The following XPR1 variants were observed in gnomAD, a reference collection of about 807,000 sequenced individuals.
The protein encoded by XPR1 is solute carrier family 53 member 1.
Under a neutral mutation model 87.5 loss-of-function variants are expected in XPR1, and 28 were observed. The ratio of observed to expected loss-of-function variants is 0.32; its 90% CI spans 0.24 to 0.44. XPR1 has a LOEUF of 0.44. XPR1 is among the 20% of genes least tolerant of loss of function. The probability of loss-of-function intolerance (pLI) is 1.00; values close to 1 mark genes in which losing one functional copy is unlikely to be tolerated. For synonymous variants in XPR1, 300 were observed against 306.1 expected, an observed-to-expected ratio of 0.98 and a Z score of 0.21; for missense variants, 559 against 862.3, an observed-to-expected ratio of 0.65 and a Z score of 4.41.
intron 13 of XPR1, chr1:180,878,102 C>T (rs1401546262): frequency 6.6e-6 from 1 of 152,388 alleles, no homozygotes; most frequent in Non-Finnish European, 1.5e-5. Context: ...CGGCCTGGCA[C>T]CTGAACTCCC....
intron 2 of XPR1, chr1:180,758,909 A>G (rs1027586794): frequency 1.3e-5 from 2 of 152,360 alleles, no homozygotes; most frequent in Non-Finnish European, 2.9e-5. Flanking sequence ...AAATTATAAC[A>G]AACTGTCTCT....
intron 2 of XPR1, among the ~76,000 whole-genome samples, chr1:180,713,863 G>A (rs997325842): frequency 6.6e-6 from 1 of 151,888 alleles, no homozygotes; most frequent in African/African-American, 2.4e-5. Context: ...TTGGTATCAG[G>A]GTAATGTTTA....
intron 7 of XPR1, among the ~76,000 whole-genome samples, chr1:180,821,674 A>G (rs960514098): frequency 6.6e-6 from 1 of 152,348 alleles, no homozygotes; most frequent in African/African-American, 2.4e-5. Flanking sequence ...CTTTAAATCC[A>G]TGAACACAGG....
At chr1:180,827,106 A>T (rs373015133) in intron 9 of XPR1, among the ~76,000 whole-genome samples, 2 of 139,508 alleles carry the variant, frequency 1.4e-5, no homozygotes, top group African/African-American at 2.7e-5. Context: ...GTGAGCCAAG[A>T]TGGTGCTGCT....
intron 1 of XPR1, among the ~76,000 whole-genome samples, chr1:180,649,514 A>T (rs1314592185): frequency 6.6e-6 from 1 of 152,222 alleles, no homozygotes. Flanking sequence ...CTCTTGAATG[A>T]TATATGCAAA....
intron 2 of XPR1, among the ~76,000 whole-genome samples, chr1:180,746,942 A>G (rs1033915010): frequency 4.6e-5 from 7 of 152,242 alleles, no homozygotes; most frequent in South Asian, 4.1e-4. Context: ...TTTAAAATAT[A>G]TTTATTTTGT....
intron 1 of XPR1, among the ~76,000 whole-genome samples, chr1:180,636,984 G>A (rs903973774): frequency 6.7e-5 from 10 of 150,060 alleles, no homozygotes; most frequent in African/African-American, 2.0e-4. Flanking sequence ...CCGGGGAGGC[G>A]GAGGTTGCAG....
rs369264254 is a variant in XPR1 at position 180,822,498 on chromosome 1, G to A, written c.764-2255G>A. On this transcript the variant is annotated intron_variant, in intron 7 of 14. Coordinates refer to ENST00000367590, the MANE Select transcript of XPR1 (RefSeq NM_004736.4). ...CTTCAAACCCCTTATCTGACTTTAT[G>A]CAGAACAGAAATTTCCTGAAGATAG... Among the ~76,000 whole-genome samples, 20 of 152,220 alleles carry A rather than the reference G, an allele frequency of 1.3e-4. 1 individual carries two copies. The South Asian group carries it at 4.1e-3, about 32-fold the overall frequency.
At chr1:180,676,813 T>A (rs1370792991) in intron 1 of XPR1, among the ~76,000 whole-genome samples, 1 of 152,230 alleles carries the variant, frequency 6.6e-6, no homozygotes, top group African/African-American at 2.4e-5. Flanking sequence ...GTTTGTATGT[T>A]GAATTAATAA....
At chr1:180,721,147 G>A (rs1004832861) in intron 2 of XPR1, among the ~76,000 whole-genome samples, 15 of 151,718 alleles carry the variant, frequency 9.9e-5, no homozygotes, top group Middle Eastern at 3.4e-3. Context: ...CTTGAACCCC[G>A]GAGGCAGAGA....
At chr1:180,778,236 G>A (rs1232674671) in intron 2 of XPR1, among the ~76,000 whole-genome samples, 5 of 151,820 alleles carry the variant, frequency 3.3e-5, no homozygotes, top group Non-Finnish European at 5.9e-5. Flanking sequence ...CTCCCACCTC[G>A]GCCTCCCAAA....
intron 11 of XPR1, among the ~76,000 whole-genome samples, chr1:180,858,072 C>T (rs6675123): frequency 0.013 from 2,021 of 152,108 alleles, 37 homozygotes; most frequent in African/African-American, 0.045. Flanking sequence ...CAAAATTAGC[C>T]GGGCGTGGTG....
chr1:180,882,947 T>C (rs1652889325), intron 14 of XPR1, among the ~76,000 whole-genome samples: 2 of 151,414 alleles, frequency 1.3e-5, no homozygotes, highest in Admixed American at 6.6e-5. Flanking sequence ...CAATTTCTTA[T>C]ATTTGTTTTT....
chr1:180,737,706 A>G (rs185808912), intron 2 of XPR1, among the ~76,000 whole-genome samples: 2 of 152,364 alleles, frequency 1.3e-5, no homozygotes, highest in African/African-American at 4.8e-5. Context: ...AGAATAATAC[A>G]GTATGTAATG....
In XPR1 at chr1:180,709,519, A is replaced by G. The variant is rs544563936; in HGVS notation, c.121+27108A>G. On this transcript the variant is annotated intron_variant, in intron 2 of 14. Transcript: ENST00000367590. ...TTTCTTTCACTGTTGATCAGTTTAC[A>G]TTTTCTAAAGTTTTATATGTATTTA... Among the ~76,000 whole-genome samples the G allele has an allele frequency of 4.7e-4, 72 of 152,154 alleles. 1 individual carries two copies. In the Middle Eastern group the frequency reaches 0.01, roughly 22 times the overall value.
intron 2 of XPR1, among the ~76,000 whole-genome samples, chr1:180,724,421 T>C (rs1281277392): frequency 6.6e-6 from 1 of 152,196 alleles, no homozygotes; most frequent in South Asian, 2.1e-4. Context: ...TGAATTATAT[T>C]TGTCTTCATA....
At chr1:180,757,908 C>A (rs1255296085) in intron 2 of XPR1, among the ~76,000 whole-genome samples, 3 of 140,730 alleles carry the variant, frequency 2.1e-5, no homozygotes, top group Non-Finnish European at 3.1e-5. Flanking sequence ...CCTGTACATA[C>A]CCCTATGGGT....
At chr1:180,686,409 A>G (rs1389065089) in intron 2 of XPR1, among the ~76,000 whole-genome samples, 2 of 152,112 alleles carry the variant, frequency 1.3e-5, no homozygotes, top group African/African-American at 2.4e-5. Flanking sequence ...ACTTCCAACT[A>G]TGTGGTCAGT....
chr1:180,818,691 T>C (rs1045402613), intron 7 of XPR1, among the ~76,000 whole-genome samples: 31 of 152,276 alleles, frequency 2.0e-4, no homozygotes, highest in African/African-American at 7.5e-4. Flanking sequence ...AGAGATGATA[T>C]ACTTATTCTT....
Sources: allele counts gnomAD v4.1 joint callset (sites outside exome capture counted in the v4.1 genomes callset), GRCh38; gene constraint gnomAD v4.1.1; transcripts MANE v1.5; gene names NCBI Gene and HGNC (gene_info 2026-07-23, HGNC 2026-07-21).